Variants in THSD4 observed in about 807,000 individuals in gnomAD.
The protein encoded by THSD4 is thrombospondin type 1 domain containing 4, also known as thrombospondin type-1 domain-containing protein 4.
THSD4 carries 69 observed loss-of-function variants against 119.0 expected under a neutral mutation model. The ratio of observed to expected loss-of-function variants is 0.58; its 90% confidence interval spans 0.48 to 0.71. THSD4 has a LOEUF of 0.71. THSD4 is among the 30% of genes least tolerant of loss of function. THSD4 has a pLI of 0.00. For synonymous variants in THSD4, 524 were observed against 540.4 expected, an observed-to-expected ratio of 0.97 and a Z score of 0.42; for missense variants, 1,393 against 1,391.1, an observed-to-expected ratio of 1.00 and a Z score of -0.02.
chr15:71,495,286 C>T (rs367896943), intron 7 of THSD4, among the ~76,000 whole-genome samples: 1 of 152,098 alleles, frequency 6.6e-6, no homozygotes, highest in Non-Finnish European at 1.5e-5. Flanking sequence ...CAACCCTGCC[C>T]TCAAATGTAA....
intron 6 of THSD4, among the ~76,000 whole-genome samples, chr15:71,402,229 T>TA (rs200508757): frequency 0.15 from 22,561 of 145,846 alleles, 1,713 homozygotes; most frequent in South Asian, 0.25. Flanking sequence ...GTATAATAAT[T>TA]AAAAAAAAAA....
At chr15:71,478,405 TCTC>T (rs1434710277) in intron 7 of THSD4, among the ~76,000 whole-genome samples, 3 of 152,302 alleles carry the variant, frequency 2.0e-5, no homozygotes, top group African/African-American at 7.2e-5. Flanking sequence ...TATCCCCTAT[TCTC>T]ATATTTTAGT....
chr15:71,330,741 T>G lies in THSD4; in HGVS notation c.1015+74026T>G, dbSNP rs2045409981. Among the ~76,000 whole-genome samples the G allele has an allele frequency of 2.0e-5, 3 of 152,340 alleles. No homozygotes were observed. The South Asian group carries it at 6.2e-4, about 32-fold the overall frequency. On this transcript the variant is annotated intron_variant, in intron 6 of 17. Coordinates refer to ENST00000261862, the MANE Select transcript of THSD4 (RefSeq NM_024817.3). ...GTCCTATGCTTTGTTCCTTCTGATG[T>G]ACAATACTGTCATATAAACCCACTC...
intron 6 of THSD4, among the ~76,000 whole-genome samples, chr15:71,275,389 A>G (rs2044578270): frequency 1.3e-5 from 2 of 152,218 alleles, no homozygotes; most frequent in South Asian, 2.1e-4. Context: ...CTCTCCGAGC[A>G]GAGGTCACCA....
intron 6 of THSD4, among the ~76,000 whole-genome samples, chr15:71,375,581 G>A (rs2046124458): frequency 6.6e-6 from 1 of 152,188 alleles, no homozygotes; most frequent in South Asian, 2.1e-4. Flanking sequence ...GATTCCACAA[G>A]CAGTATTGAT....
chr15:71,239,494 G>A (rs934432738), intron 4 of THSD4, among the ~76,000 whole-genome samples: 7 of 152,200 alleles, frequency 4.6e-5, no homozygotes, highest in East Asian at 1.9e-4. Flanking sequence ...GGTCCATGTC[G>A]TGAACCACTA....
chr15:71,468,619 A>G (rs1018878405), intron 7 of THSD4, among the ~76,000 whole-genome samples: 4 of 152,254 alleles, frequency 2.6e-5, no homozygotes, highest in Non-Finnish European at 4.4e-5. Context: ...ACTTTTAGCT[A>G]TAATAGAAAA....
At position 71,781,513 on chromosome 15, in the gene THSD4, A is replaced by G. The variant is rs2053998309; in HGVS notation, c.*4139A>G. ...AAAACCGATCATCTATAATAACATC[A>G]GTTTATCAATGCCCCGTCCTGATGA... is the stretch of plus-strand genomic sequence containing the variant. On this transcript the variant is annotated 3_prime_UTR_variant, in exon 18 of 18. Transcript: ENST00000261862. 1 of 152,332 alleles carries G rather than the reference A, an allele frequency of 6.6e-6. No individual in the cohort carries two copies. The highest frequency in any genetic ancestry group is 2.1e-4 in the South Asian group (1 of 4,834). The allele number at this position is 152,332 out of a possible 1,614,324, so 9.4% of individuals were successfully genotyped here.
intron 7 of THSD4, among the ~76,000 whole-genome samples, chr15:71,617,809 C>T: frequency 6.6e-6 from 1 of 152,238 alleles, no homozygotes; most frequent in East Asian, 1.9e-4. Context: ...TTTAATAACA[C>T]TAACAGCTCT....
chr15:71,208,467 C>T (rs1280685144), intron 3 of THSD4, among the ~76,000 whole-genome samples: 1 of 151,946 alleles, frequency 6.6e-6, no homozygotes, highest in Non-Finnish European at 1.5e-5. Context: ...TCTCTAACTT[C>T]TCTAGGTGCT....
At chr15:71,152,596 C>G (rs1364266126) in intron 2 of THSD4, among the ~76,000 whole-genome samples, 4 of 152,114 alleles carry the variant, frequency 2.6e-5, no homozygotes, top group African/African-American at 9.7e-5. Flanking sequence ...TAGTTCCCTG[C>G]CCGGCCCACT....
intron 8 of THSD4, among the ~76,000 whole-genome samples, chr15:71,716,978 G>T (rs751471005): frequency 8.5e-5 from 13 of 152,190 alleles, no homozygotes; most frequent in African/African-American, 3.1e-4. Flanking sequence ...ACCCCACCTC[G>T]GATATCTTAT....
At chr15:71,164,397 G>A (rs557614313) in intron 3 of THSD4, among the ~76,000 whole-genome samples, 19 of 147,170 alleles carry the variant, frequency 1.3e-4, no homozygotes, top group African/African-American at 4.3e-4. Flanking sequence ...TTACAGAGTG[G>A]TATTCAGTTA....
intron 7 of THSD4, among the ~76,000 whole-genome samples, chr15:71,428,233 A>C (rs893041983): frequency 3.3e-5 from 5 of 152,214 alleles, no homozygotes; most frequent in African/African-American, 9.7e-5. Flanking sequence ...CATTGTATGC[A>C]AAGTCACTTC....
intron 7 of THSD4, among the ~76,000 whole-genome samples, chr15:71,572,897 C>T (rs553749736): frequency 6.6e-6 from 1 of 152,064 alleles, no homozygotes; most frequent in East Asian, 1.9e-4. Flanking sequence ...TAGGTATGTG[C>T]CAGGTCTTTG....
intron 7 of THSD4, among the ~76,000 whole-genome samples, chr15:71,651,935 G>A (rs2051098002): frequency 6.6e-6 from 1 of 152,214 alleles, no homozygotes; most frequent in Non-Finnish European, 1.5e-5. Flanking sequence ...AAATGACAAA[G>A]ATGCCGGCGT....
intron 6 of THSD4, among the ~76,000 whole-genome samples, chr15:71,288,658 C>A (rs1357488002): frequency 6.6e-6 from 1 of 152,188 alleles, no homozygotes. Flanking sequence ...ACAATCAACA[C>A]AGTGATTACA....
At chr15:71,756,522 C>T (rs916049040) in intron 14 of THSD4, among the ~76,000 whole-genome samples, 2 of 152,192 alleles carry the variant, frequency 1.3e-5, no homozygotes, top group African/African-American at 4.8e-5. Context: ...GTGGCACACA[C>T]CTGTAATCCC....
rs1166248190 is a variant in THSD4, at chr15:71,779,454, T to G, written c.*2080T>G. ...ATTTGAAGAGGTTTTCTTTTCATGC[T>G]GGAGGGCAGGCTAAGATCAATGAGT... On this transcript the variant is annotated 3_prime_UTR_variant, in exon 18 of 18. Transcript: ENST00000261862. The G allele has an allele frequency of 6.6e-6, 1 of 152,236 alleles. No individual in the cohort carries two copies. The highest frequency in any genetic ancestry group is 1.5e-5 in the Non-Finnish European group (1 of 68,040). The allele number at this position is 152,236 out of a possible 1,614,324, so 9.4% of individuals were successfully genotyped here.
Sources: gnomAD v4.1 joint callset for allele counts (sites outside exome capture counted in the v4.1 genomes callset) on GRCh38, gnomAD v4.1.1 for gene constraint, MANE v1.5 for transcripts, NCBI Gene and HGNC (gene_info 2026-07-23, HGNC 2026-07-21) for gene names.